The following ANK2 variants were observed in gnomAD, a reference collection of about 807,000 sequenced individuals.
ANK2 encodes ankyrin-2.
In ANK2, 83 loss-of-function variants were observed where a neutral mutation model predicts 360.5. The ratio of observed to expected loss-of-function variants is 0.23; its 90% CI spans 0.19 to 0.28. ANK2 has a LOEUF of 0.28. Ranked by LOEUF, ANK2 falls within the 10% of genes least tolerant of loss-of-function variation. The pLI is 1.00. For synonymous variants in ANK2, 1,740 were observed against 1,759.5 expected, an observed-to-expected ratio of 0.99 and a Z score of 0.28; for missense variants, 4,201 against 4,795.7, an observed-to-expected ratio of 0.88 and a Z score of 3.66.
intron 2 of ANK2, among the ~76,000 whole-genome samples, chr4:113,013,837 T>G (rs950632237): frequency 1.1e-4 from 17 of 152,222 alleles, no homozygotes; most frequent in African/African-American, 3.4e-4. Context: ...CTTTGTCCTA[T>G]TCCAAAAGTA....
chr4:113,070,883 C>A (rs2077300270), intron 1 of ANK2, among the ~76,000 whole-genome samples: 1 of 151,190 alleles, frequency 6.6e-6, no homozygotes, highest in Non-Finnish European at 1.5e-5. Context: ...ACAATAAGCC[C>A]CCGAGACATT....
At chr4:113,191,779 A>G (rs561147930) in intron 2 of ANK2, among the ~76,000 whole-genome samples, 36 of 152,242 alleles carry the variant, frequency 2.4e-4, no homozygotes, top group Non-Finnish European at 4.7e-4. Flanking sequence ...TAGGCAAAGT[A>G]GGACATTTCC....
In ANK2 at chr4:113,354,489, T is replaced by C. The variant is rs2095619330; in HGVS notation, c.5871T>C (p.Thr1957=). 1 of 1,613,900 alleles carries C rather than the reference T, an allele frequency of 6.2e-7. No homozygotes were observed. Among genetic ancestry groups the C allele is most frequent in the Non-Finnish European group, 8.5e-7 (1 of 1,179,986 alleles). Residue 1957 remains threonine, a synonymous_variant, in exon 38 of 46, where the codon ACT becomes ACC. Coordinates refer to ENST00000357077, the MANE Select transcript of ANK2 (RefSeq NM_001148.6). Reference sequence around the variant, plus strand: ...AACCTGTATCAACAGCTGGGAAAACTGAGAAGCACCTGCCTGTGTCACCTT... The same window carrying C: ...AACCTGTATCAACAGCTGGGAAAACCGAGAAGCACCTGCCTGTGTCACCTT... ...KHQPVSTAGK[T]EKHLPVSPSG...
chr4:113,027,759 T>G (rs768764410), intron 2 of ANK2, among the ~76,000 whole-genome samples: 5 of 152,060 alleles, frequency 3.3e-5, no homozygotes, highest in East Asian at 2.0e-4. Context: ...TAAATAAATA[T>G]AAATAAATAG....
At chr4:113,323,234 G>A (rs985790020) in intron 26 of ANK2, among the ~76,000 whole-genome samples, 2 of 151,696 alleles carry the variant, frequency 1.3e-5, no homozygotes, top group African/African-American at 2.4e-5. Context: ...GCTTTTTTTT[G>A]CGATACTCTA....
intron 1 of ANK2, among the ~76,000 whole-genome samples, chr4:113,118,079 G>A (rs1303279138): frequency 1.3e-5 from 2 of 152,054 alleles, no homozygotes; most frequent in East Asian, 1.9e-4. Context: ...GGTTAAACAA[G>A]GGATGAAATG....
At chr4:112,713,877 T>TGA in the ANK2 span, among the ~76,000 whole-genome samples, 1 of 145,796 alleles carries the variant, frequency 6.9e-6, no homozygotes, top group African/African-American at 2.6e-5. Context: ...GAGCTTGCAG[T>TGA]GAGCCAAGAT....
chr4:112,960,952 C>G (rs965146984), intron 2 of ANK2, among the ~76,000 whole-genome samples: 3 of 151,936 alleles, frequency 2.0e-5, no homozygotes, highest in Non-Finnish European at 4.4e-5. Flanking sequence ...AATAATCAGA[C>G]TTGTAAGGTA....
chr4:112,869,396 G>T, intron 1 of ANK2, among the ~76,000 whole-genome samples: 1 of 152,132 alleles, frequency 6.6e-6, no homozygotes, highest in East Asian at 1.9e-4. Context: ...TCCCACCTCA[G>T]CCCCGCAAGT....
chr4:112,794,114 T>G, the ANK2 span, among the ~76,000 whole-genome samples: 3 of 152,226 alleles, frequency 2.0e-5, no homozygotes, highest in Non-Finnish European at 2.9e-5. Flanking sequence ...AGAAGACATT[T>G]TACAATGCAA....
chr4:113,340,305 T>C (rs2094119022), intron 32 of ANK2, among the ~76,000 whole-genome samples: 1 of 151,980 alleles, frequency 6.6e-6, no homozygotes, highest in Non-Finnish European at 1.5e-5. Flanking sequence ...CAGATAAAAG[T>C]GAAAAAGAGA....
intron 1 of ANK2, among the ~76,000 whole-genome samples, chr4:112,863,662 G>C (rs75858938): frequency 6.6e-6 from 1 of 151,504 alleles, no homozygotes; most frequent in African/African-American, 2.4e-5. Context: ...AGCCGGGACT[G>C]CAGGCGCCAG....
intron 11 of ANK2, among the ~76,000 whole-genome samples, chr4:113,256,356 T>C (rs2049323560): frequency 6.6e-6 from 1 of 152,252 alleles, no homozygotes; most frequent in Non-Finnish European, 1.5e-5. Context: ...TATTTGACTA[T>C]GTAAGGGGGT....
Position 113,358,395 on chromosome 4 carries a change from C to T in ANK2, c.9777C>T (p.Ser3259=), listed in dbSNP as rs776610425. The T allele has an allele frequency of 1.2e-6, 2 of 1,614,076 alleles. No individual in the cohort carries two copies. The highest frequency in any genetic ancestry group is 1.1e-5 in the South Asian group (1 of 91,084). Reference sequence around the variant, plus strand: ...CTGTACAAGTCCAGTTAGATTTTTCCACACTCACCAGGTCTGTTTATTCAG... The same window carrying T: ...CTGTACAAGTCCAGTTAGATTTTTCTACACTCACCAGGTCTGTTTATTCAG... The part of the protein sequence containing the change: ...EPAVQVQLDF[S]TLTRSVYSDR... Residue 3259 remains serine, a synonymous_variant, in exon 38 of 46, where the codon TCC becomes TCT. Coordinates refer to ENST00000357077, the MANE Select transcript of ANK2 (RefSeq NM_001148.6).
intron 5 of ANK2, among the ~76,000 whole-genome samples, chr4:113,236,048 A>G (rs1406277660): frequency 1.3e-5 from 2 of 152,094 alleles, no homozygotes; most frequent in Admixed American, 1.3e-4. Flanking sequence ...CCAGTCTTTC[A>G]ATTTACCATT....
At chr4:113,158,614 A>C (rs1049493599) in intron 1 of ANK2, among the ~76,000 whole-genome samples, 16 of 152,216 alleles carry the variant, frequency 1.1e-4, no homozygotes, top group Non-Finnish European at 2.2e-4. Context: ...GCTGCACATT[A>C]TATGCTGGGC....
chr4:113,026,878 T>C (rs1028173035), intron 2 of ANK2, among the ~76,000 whole-genome samples: 10 of 152,038 alleles, frequency 6.6e-5, no homozygotes, highest in Admixed American at 3.3e-4. Context: ...TTGGAAACCT[T>C]GGAAAGGGTG....
At position 113,357,306 on chromosome 4, in the gene ANK2, C is replaced by T. The variant is rs1415851019; in HGVS notation, c.8688C>T (p.Ser2896=). The change falls in exon 38 of 46, where the codon TCC becomes TCT. Residue 2896 remains serine, a synonymous_variant. Transcript: ENST00000357077. The stretch of plus-strand genomic sequence containing the variant: ...AGGACTGCCCCTCTCAAGACTCATC[C>T]ATTACTACTCAAACAGATAGATTTT... The part of the protein sequence containing the change: ...LPKDCPSQDS[S]ITTQTDRFSM... 6.2e-7 allele frequency: 1 copy of T among 1,613,916 alleles called. No homozygotes were observed. The highest frequency in any genetic ancestry group is 8.5e-7 in the Non-Finnish European group (1 of 1,179,982).
chr4:113,222,033 A>T (rs746209847), intron 4 of ANK2, among the ~76,000 whole-genome samples: 2 of 152,210 alleles, frequency 1.3e-5, no homozygotes, highest in Non-Finnish European at 2.9e-5. Flanking sequence ...TCCATGTTTT[A>T]AGTAATGTGA....
Sources: allele counts gnomAD v4.1 joint callset (sites outside exome capture counted in the v4.1 genomes callset), GRCh38; gene constraint gnomAD v4.1.1; transcripts MANE v1.5; gene names NCBI Gene and HGNC (gene_info 2026-07-23, HGNC 2026-07-21).